The following SRP54 variants were observed in gnomAD, a reference collection of about 807,000 sequenced individuals.
SRP54 encodes signal recognition particle subunit SRP54.
In SRP54, 10 loss-of-function variants were observed where a neutral mutation model predicts 64.8. The ratio of observed to expected loss-of-function variants is 0.15; its 90% CI spans 0.10 to 0.26. The LOEUF (loss-of-function observed/expected upper bound fraction) is 0.26, where lower values mean the gene tolerates loss of function less well. Among genes scored for constraint, SRP54 ranks in the 10% least tolerant of loss-of-function variants. SRP54 has a pLI of 1.00. For synonymous variants in SRP54, 193 were observed against 185.6 expected, an observed-to-expected ratio of 1.04 and a Z score of -0.32; for missense variants, 325 against 613.7, an observed-to-expected ratio of 0.53 and a Z score of 4.97.
intron 15 of SRP54, 77 bp downstream of exon 15, chr14:35,028,260 GT>G (rs2044666733): frequency 2.3e-6 from 2 of 853,954 alleles, no homozygotes; most frequent in East Asian, 5.2e-5. Flanking sequence ...GCCTTTTATT[GT>G]AATATTATGA....
chr14:34,995,135 GTGTGTGTGTGTGTGTGTGTGTGTGTGTGT>G (rs2044049049), intron 1 of SRP54, among the ~76,000 whole-genome samples: 2 of 56,702 alleles, frequency 3.5e-5, no homozygotes, highest in Non-Finnish European at 6.1e-5. Flanking sequence ...TCAATAAAGG[GTGTGTGTGTGTGTGTGTGTGTGTGTGTGT>G]GTGTGTGTGT....
chr14:34,994,459 A>G (rs900289102), intron 1 of SRP54, among the ~76,000 whole-genome samples: 1 of 152,164 alleles, frequency 6.6e-6, no homozygotes, highest in Non-Finnish European at 1.5e-5. Context: ...TGGAAAATTG[A>G]TATTCCCCAG....
intron 7 of SRP54, among the ~76,000 whole-genome samples, 180 bp from the exon 8 acceptor site, chr14:35,011,329 A>G (rs1427629441): frequency 6.6e-6 from 1 of 152,210 alleles, no homozygotes; most frequent in African/African-American, 2.4e-5. Flanking sequence ...AAATTGGATA[A>G]TGCTTCATGC....
chr14:34,995,104 T>C (rs1484358717), intron 1 of SRP54, among the ~76,000 whole-genome samples: 9 of 149,042 alleles, frequency 6.0e-5, no homozygotes, highest in Non-Finnish European at 1.2e-4. Context: ...TTTTTTTTTT[T>C]CTTGTTCCAG....
At chr14:34,983,794 A>G (rs2043848201) in intron 1 of SRP54, among the ~76,000 whole-genome samples, 1 of 152,220 alleles carries the variant, frequency 6.6e-6, no homozygotes, top group Non-Finnish European at 1.5e-5. Context: ...GGCTACAAGG[A>G]TACAGAAATG....
At chr14:35,008,508 G>A (rs1412620747) in intron 5 of SRP54, 119 bp from the exon 6 acceptor site, 35 of 576,214 alleles carry the variant, frequency 6.1e-5, no homozygotes, top group Middle Eastern at 1.1e-3. Flanking sequence ...ATATTTTCAG[G>A]AGAATTATAA....
intron 9 of SRP54, 56 bp from the exon 10 acceptor site, chr14:35,013,746 G>T: frequency 6.8e-7 from 1 of 1,465,202 alleles, no homozygotes. Flanking sequence ...TTTCAGATCT[G>T]CTGGAAATTT....
At chr14:34,998,861 A>G (rs113818830) in intron 2 of SRP54, among the ~76,000 whole-genome samples, 12,729 of 151,720 alleles carry the variant, frequency 0.084, 633 homozygotes, top group Non-Finnish European at 0.12. Flanking sequence ...ACTATATACC[A>G]CTACATAATA....
intron 12 of SRP54, 74 bp from the exon 13 acceptor site, chr14:35,018,892 C>A (rs770488882): frequency 2.1e-6 from 3 of 1,440,478 alleles, no homozygotes; most frequent in Non-Finnish European, 2.9e-6. Flanking sequence ...AATATTAAAC[C>A]TAATAGTTAA....
chr14:34,987,965 G>A (rs922469287), intron 1 of SRP54, among the ~76,000 whole-genome samples: 4 of 152,044 alleles, frequency 2.6e-5, no homozygotes, highest in East Asian at 3.9e-4. Context: ...TTTACTCCCC[G>A]CCAAAACCAT....
At chr14:34,986,178 G>A (rs1175090314) in intron 1 of SRP54, among the ~76,000 whole-genome samples, 1 of 152,032 alleles carries the variant, frequency 6.6e-6, no homozygotes, top group Admixed American at 6.6e-5. Flanking sequence ...AATTGGTGCT[G>A]TGATATTATT....
chr14:35,027,746 A>G (rs1355465960), intron 14 of SRP54: 1 of 156,400 alleles, frequency 6.4e-6, no homozygotes, highest in East Asian at 1.9e-4. Flanking sequence ...ACAGAGCAAG[A>G]CTCCATCTCA....
At chr14:34,991,114 T>TC (rs1427618838) in intron 1 of SRP54, among the ~76,000 whole-genome samples, 2 of 123,900 alleles carry the variant, frequency 1.6e-5, no homozygotes, top group African/African-American at 5.7e-5. Flanking sequence ...CTTTTCTTTT[T>TC]TTTTTTTTTT....
chr14:35,020,877 A>C (rs1245184571), intron 13 of SRP54, among the ~76,000 whole-genome samples: 1 of 152,182 alleles, frequency 6.6e-6, no homozygotes, highest in Non-Finnish European at 1.5e-5. Context: ...GAAGTTGAGT[A>C]ATTTGCCCAG....
intron 1 of SRP54, among the ~76,000 whole-genome samples, chr14:34,987,027 TC>T (rs2043905747): frequency 6.6e-6 from 1 of 151,572 alleles, no homozygotes; most frequent in South Asian, 2.1e-4. Flanking sequence ...GGTCAGGAGA[TC>T]CAGAGCATCC....
chr14:35,023,677 G>A (rs1321326484), intron 14 of SRP54, among the ~76,000 whole-genome samples: 17 of 151,624 alleles, frequency 1.1e-4, no homozygotes, highest in African/African-American at 3.2e-4. Flanking sequence ...CCAGCTACTC[G>A]GGAGGCTGAG....
At chr14:35,006,053 A>T (rs2044252642) in intron 4 of SRP54, among the ~76,000 whole-genome samples, 2 of 151,772 alleles carry the variant, frequency 1.3e-5, no homozygotes, top group South Asian at 2.1e-4. Context: ...GTTAGCCAGG[A>T]TGGTCTCAAT....
At position 35,009,348 on chromosome 14, in the gene SRP54, A is replaced by C. The variant is rs1008104325; in HGVS notation, c.485+517A>C. Among the ~76,000 whole-genome samples the C allele has an allele frequency of 4.9e-4, 74 of 151,524 alleles. 3 individuals are homozygous for C. Among genetic ancestry groups the C allele is most frequent in the African/African-American group, 1.8e-3 (73 of 41,270 alleles). On this transcript the variant is annotated intron_variant, in intron 7 of 15. Transcript: ENST00000216774. ...GGCTTGAGCCACTGTATGCAGCCAC[A>C]CACATGTTCTTATTAAGTGTATTTC...
At position 35,014,761 on chromosome 14, in the gene SRP54, G is replaced by C; in HGVS notation, c.904G>C (p.Gly302Arg). Residue 302 changes from glycine (G) to arginine (R), a missense_variant, in exon 11 of 16, where the codon GGA becomes CGA. Physicochemically the swap from Gly to Arg is moderately radical, Grantham distance 125. This residue lies in a region of SRP54 where 146 missense variants were observed against 337.4 expected (regional missense o/e 0.43). Coordinates refer to ENST00000216774, the MANE Select transcript of SRP54 (RefSeq NM_003136.4). ...SKLLGMGDIE[G>R]LIDKVNELKL... Reference sequence around the variant, plus strand: ...TCTTATAGGTATGGGCGACATTGAAGGACTGATAGATAAAGTCAACGAGTT... The same window carrying C: ...TCTTATAGGTATGGGCGACATTGAACGACTGATAGATAAAGTCAACGAGTT... 6.2e-7 allele frequency: 1 copy of C among 1,613,658 alleles called. No homozygotes were observed. The highest frequency in any genetic ancestry group is 8.5e-7 in the Non-Finnish European group (1 of 1,179,866).
Sources: gnomAD v4.1 joint callset for allele counts (sites outside exome capture counted in the v4.1 genomes callset) on GRCh38, gnomAD v4.1.1 for gene constraint, gnomAD v4.1.1 regional missense constraint, MANE v1.5 for transcripts, NCBI Gene and HGNC (gene_info 2026-07-23, HGNC 2026-07-21) for gene names.